The following DGKD variants were observed in gnomAD, a reference collection of about 807,000 sequenced individuals.
The protein encoded by DGKD is diacylglycerol kinase delta, also known as DAG kinase delta.
A neutral mutation model predicts 154.4 loss-of-function variants in DGKD; 68 were observed. The observed-to-expected ratio is 0.44, with a 90% CI of 0.36 to 0.54. DGKD has a LOEUF of 0.54. Ranked by LOEUF, DGKD falls within the 20% of genes least tolerant of loss-of-function variation. The probability of loss-of-function intolerance (pLI) is 0.00; values close to 1 mark genes in which losing one functional copy is unlikely to be tolerated. For missense variants in DGKD, 1,343 were observed against 1,593.6 expected (o/e 0.84, Z 2.68); for synonymous variants, 693 against 638.0 (o/e 1.09, Z -1.30).
chr2:233,361,855 G>A (rs952901338), intron 1 of DGKD, among the ~76,000 whole-genome samples: 1 of 152,122 alleles, frequency 6.6e-6, no homozygotes, highest in Non-Finnish European at 1.5e-5. Context: ...TAGTGCAGTG[G>A]CATGATCTCA....
intron 1 of DGKD, among the ~76,000 whole-genome samples, chr2:233,379,200 C>T (rs1242238958): frequency 1.3e-5 from 2 of 152,088 alleles, no homozygotes; most frequent in East Asian, 1.9e-4. Flanking sequence ...CTAGTTCTGC[C>T]TTGGGGGAGT....
rs777005748 is a variant in DGKD at position 233,434,906 on chromosome 2, G to A, written c.586+5G>A. The A allele has an allele frequency of 8.7e-6, 14 of 1,606,300 alleles. No homozygotes were observed. The highest frequency in any genetic ancestry group is 1.2e-5 in the Non-Finnish European group (14 of 1,176,586). ...CGCACGGGCTGTCCTGCGAGGGTAC[G>A]GATGTGCGTTTGTTATTCTGTCAGG... On this transcript the variant is annotated splice_donor_5th_base_variant and intron_variant, in intron 5 of 29. Transcript: ENST00000264057.
At chr2:233,366,729 G>T (rs1702044855) in intron 1 of DGKD, among the ~76,000 whole-genome samples, 1 of 152,116 alleles carries the variant, frequency 6.6e-6, no homozygotes, top group Non-Finnish European at 1.5e-5. Context: ...CAGCAGTGAG[G>T]ATGGTTCATC....
intron 10 of DGKD, chr2:233,442,546 C>T (rs111359594): frequency 4.4e-6 from 1 of 225,772 alleles, no homozygotes. Context: ...ACAGTACATA[C>T]AATGCACAGT....
At chr2:233,361,544 G>C (rs1019810259) in intron 1 of DGKD, among the ~76,000 whole-genome samples, 2 of 152,202 alleles carry the variant, frequency 1.3e-5, no homozygotes, top group African/African-American at 4.8e-5. Flanking sequence ...AGGGCTTCCA[G>C]ACTCCAGACC....
chr2:233,365,209 A>T (rs1701963118), intron 1 of DGKD, among the ~76,000 whole-genome samples: 1 of 152,172 alleles, frequency 6.6e-6, no homozygotes, highest in Admixed American at 6.5e-5. Context: ...AAAAGTGTAG[A>T]ATTGAACAAC....
At chr2:233,413,501 G>T (rs1048934031) in intron 3 of DGKD, among the ~76,000 whole-genome samples, 4 of 152,066 alleles carry the variant, frequency 2.6e-5, no homozygotes, top group Non-Finnish European at 5.9e-5. Flanking sequence ...GGATGGAGAA[G>T]TAGAAACTTT....
intron 3 of DGKD, among the ~76,000 whole-genome samples, chr2:233,407,482 A>G (rs887642980): frequency 6.6e-6 from 1 of 152,224 alleles, no homozygotes; most frequent in Non-Finnish European, 1.5e-5. Context: ...AAATCTTGTC[A>G]TGGCAGAGCA....
At chr2:233,399,203 T>C (rs944386542) in intron 3 of DGKD, among the ~76,000 whole-genome samples, 1 of 152,230 alleles carries the variant, frequency 6.6e-6, no homozygotes, top group African/African-American at 2.4e-5. Flanking sequence ...TCTTATTTAT[T>C]TATAATATAT....
intron 1 of DGKD, among the ~76,000 whole-genome samples, chr2:233,356,207 G>A (rs1248004061): frequency 1.3e-5 from 2 of 152,198 alleles, no homozygotes; most frequent in Admixed American, 6.5e-5. Flanking sequence ...TGAACCTTGC[G>A]TCTAGAGCTT....
intron 1 of DGKD, among the ~76,000 whole-genome samples, chr2:233,369,532 G>T (rs1362504159): frequency 6.6e-6 from 1 of 152,172 alleles, no homozygotes; most frequent in African/African-American, 2.4e-5. Flanking sequence ...TCCATTTTCT[G>T]CAATCATTCA....
rs531338113 is a variant in DGKD at position 233,394,090 on chromosome 2, T to C, written c.348+3607T>C. 2.6e-5 allele frequency among the ~76,000 whole-genome samples: 4 copies of C among 152,340 alleles called. No homozygotes were observed. In the South Asian group the frequency reaches 8.3e-4, roughly 32 times the overall value. ...CTGTTAATGAGGAGTTAGAATCTCTTTCAGGCCAGTTACGTTTAACACTTT... is the reference window on the plus strand; with the variant it reads ...CTGTTAATGAGGAGTTAGAATCTCTCTCAGGCCAGTTACGTTTAACACTTT... On this transcript the variant is annotated intron_variant, in intron 3 of 29. Transcript: ENST00000264057.
At position 233,448,085 on chromosome 2, in the gene DGKD, A is replaced by G; in HGVS notation, c.1420-2A>G. On this transcript the variant is annotated splice_acceptor_variant, in intron 12 of 29. Coordinates refer to ENST00000264057, the MANE Select transcript of DGKD (RefSeq NM_152879.3). LOFTEE classifies it high-confidence loss of function. ...AGTCCTGGCCATTTGGGGTGATTGC[A>G]GGTACAGCAGATTCTCTTCTATGAA... 1 of 1,614,000 alleles carries G rather than the reference A, an allele frequency of 6.2e-7. No homozygotes were observed. The highest frequency in any genetic ancestry group is 2.2e-5 in the East Asian group (1 of 44,884).
At chr2:233,443,772 T>TA (rs1305608876) in intron 10 of DGKD, among the ~76,000 whole-genome samples, 6 of 152,174 alleles carry the variant, frequency 3.9e-5, no homozygotes, top group Admixed American at 6.5e-5. Flanking sequence ...TGATTTTGTG[T>TA]ATTACTTGCA....
intron 1 of DGKD, among the ~76,000 whole-genome samples, chr2:233,367,201 G>C (rs1391337508): frequency 1.3e-5 from 2 of 150,352 alleles, no homozygotes; most frequent in Admixed American, 1.3e-4. Context: ...TTTTTCAAGA[G>C]ACAAGGGCAG....
intron 1 of DGKD, among the ~76,000 whole-genome samples, chr2:233,381,944 G>A (rs1255822729): frequency 6.6e-6 from 1 of 152,158 alleles, no homozygotes; most frequent in Non-Finnish European, 1.5e-5. Flanking sequence ...AAAGTGATAT[G>A]CAAATTGGGC....
At chr2:233,451,728 A>AT (rs890564951) in intron 17 of DGKD, among the ~76,000 whole-genome samples, 17 of 151,952 alleles carry the variant, frequency 1.1e-4, no homozygotes, top group African/African-American at 3.6e-4. Flanking sequence ...CTTAGAAGCC[A>AT]TTTTTTTGTG....
chr2:233,401,613 C>G (rs191350892), intron 3 of DGKD, among the ~76,000 whole-genome samples: 2 of 152,004 alleles, frequency 1.3e-5, no homozygotes, highest in Non-Finnish European at 2.9e-5. Flanking sequence ...CATATTCTGC[C>G]CATTGTTAAA....
intron 3 of DGKD, chr2:233,419,327 T>C: frequency 2.0e-6 from 2 of 985,522 alleles, no homozygotes; most frequent in Non-Finnish European, 2.4e-6. Flanking sequence ...CTCTTGCCCA[T>C]TGACTTTAAC....
Sources: allele counts gnomAD v4.1 joint callset (sites outside exome capture counted in the v4.1 genomes callset), GRCh38; gene constraint gnomAD v4.1.1; transcripts MANE v1.5; gene names NCBI Gene and HGNC (gene_info 2026-07-23, HGNC 2026-07-21).